The following ZMYND11 variants were observed in gnomAD, a reference collection of about 807,000 sequenced individuals.
ZMYND11 encodes zinc finger MYND domain-containing protein 11.
ZMYND11 carries 9 observed loss-of-function variants against 84.9 expected under a neutral mutation model. The observed-to-expected ratio is 0.11, with a 90% CI of 0.06 to 0.18. The LOEUF is 0.18. Ranked by LOEUF, ZMYND11 falls within the 10% of genes least tolerant of loss-of-function variation. The pLI is 1.00. For missense variants in ZMYND11, 409 were observed against 761.0 expected, an observed-to-expected ratio of 0.54 and a Z score of 5.44; for synonymous variants, 250 against 244.1, an observed-to-expected ratio of 1.02 and a Z score of -0.23.
At chr10:197,288 C>T (rs563732640) in intron 2 of ZMYND11, among the ~76,000 whole-genome samples, 9 of 152,148 alleles carry the variant, frequency 5.9e-5, no homozygotes, top group Admixed American at 1.3e-4. Flanking sequence ...TGCCCACGTG[C>T]GCATTGTATT....
intron 6 of ZMYND11, among the ~76,000 whole-genome samples, chr10:238,891 C>T (rs1382282342): frequency 5.3e-5 from 8 of 152,182 alleles, no homozygotes; most frequent in Admixed American, 5.2e-4. Flanking sequence ...AGGTTCCTTC[C>T]TGTTGAAATC....
intron 1 of ZMYND11, chr10:148,056 C>T (rs1390866065): frequency 6.6e-6 from 1 of 152,280 alleles, no homozygotes; most frequent in East Asian, 1.9e-4. Context: ...TCAGGCTCTG[C>T]CTAGGTCTCT....
At chr10:210,975 C>T (rs1399447046) in intron 3 of ZMYND11, among the ~76,000 whole-genome samples, 1 of 151,684 alleles carries the variant, frequency 6.6e-6, no homozygotes, top group African/African-American at 2.4e-5. Flanking sequence ...CTAGCCTGGG[C>T]AACATAGCCC....
At chr10:185,771 C>T (rs114784524) in intron 2 of ZMYND11, among the ~76,000 whole-genome samples, 2,527 of 139,820 alleles carry the variant, frequency 0.018, 68 homozygotes, top group African/African-American at 0.061. Context: ...GTCAAGATTG[C>T]GCAATTGCAC....
At chr10:218,357 G>C (rs1030081436) in intron 3 of ZMYND11, 1 of 183,784 alleles carries the variant, frequency 5.4e-6, no homozygotes, top group South Asian at 1.2e-4. Flanking sequence ...ATAATAAACA[G>C]TTTGGCCCTG....
At chr10:199,542 G>A (rs563728180) in intron 2 of ZMYND11, among the ~76,000 whole-genome samples, 1 of 151,974 alleles carries the variant, frequency 6.6e-6, no homozygotes, top group Non-Finnish European at 1.5e-5. Flanking sequence ...CGGTCCTCCT[G>A]TGTCAGCCTC....
upstream of ZMYND11, among the ~76,000 whole-genome samples, chr10:134,138 C>G (rs1240699133): frequency 2.0e-5 from 3 of 152,074 alleles, no homozygotes; most frequent in Non-Finnish European, 4.4e-5. Context: ...CTATACACAC[C>G]TGCCTATAAT....
At chr10:144,128 C>T (rs1838142820) in intron 1 of ZMYND11, among the ~76,000 whole-genome samples, 1 of 152,048 alleles carries the variant, frequency 6.6e-6, no homozygotes. Context: ...GCTGAACAGC[C>T]AGCAGTACAA....
chr10:238,420 G>A (rs995076841), intron 6 of ZMYND11, among the ~76,000 whole-genome samples: 11 of 151,744 alleles, frequency 7.2e-5, no homozygotes, highest in African/African-American at 2.7e-4. Flanking sequence ...GCAGTGGTGT[G>A]ATCTTGGCTC....
At chr10:144,703 G>A (rs1424561894) in intron 1 of ZMYND11, among the ~76,000 whole-genome samples, 1 of 140,896 alleles carries the variant, frequency 7.1e-6, no homozygotes, top group East Asian at 2.0e-4. Flanking sequence ...GTTGAGTCTG[G>A]GCTCTAATTT....
chr10:211,302 T>G (rs1268221284), intron 3 of ZMYND11, among the ~76,000 whole-genome samples: 5 of 152,148 alleles, frequency 3.3e-5, no homozygotes, highest in African/African-American at 1.2e-4. Flanking sequence ...ATCTATCTCT[T>G]TCTATAGATT....
At chr10:179,630 TG>T (rs1847413175) in intron 1 of ZMYND11, among the ~76,000 whole-genome samples, 1 of 152,222 alleles carries the variant, frequency 6.6e-6, no homozygotes, top group Non-Finnish European at 1.5e-5. Flanking sequence ...CATTTTGTAT[TG>T]ATCAAATTAC....
intron 12 of ZMYND11, among the ~76,000 whole-genome samples, chr10:247,804 T>G (rs931568584): frequency 1.3e-5 from 2 of 152,226 alleles, no homozygotes; most frequent in African/African-American, 4.8e-5. Flanking sequence ...AACACATTTA[T>G]CCAGTATATC....
At chr10:219,201 G>A (rs1946706991) in intron 3 of ZMYND11, among the ~76,000 whole-genome samples, 1 of 152,184 alleles carries the variant, frequency 6.6e-6, no homozygotes, top group South Asian at 2.1e-4. Flanking sequence ...ATGGGGAAAG[G>A]GTAGGGATGC....
intron 2 of ZMYND11, among the ~76,000 whole-genome samples, chr10:202,537 A>G (rs945998152): frequency 6.6e-6 from 1 of 152,056 alleles, no homozygotes; most frequent in Non-Finnish European, 1.5e-5. Context: ...CTTTCCATCC[A>G]GAAAACAAAG....
intron 2 of ZMYND11, among the ~76,000 whole-genome samples, chr10:203,729 G>A (rs1943642530): frequency 6.6e-6 from 1 of 152,120 alleles, no homozygotes; most frequent in Non-Finnish European, 1.5e-5. Context: ...AGATACAAAT[G>A]AAATTCCAAG....
chr10:250,980 G>C (rs1013037122), intron 14 of ZMYND11, among the ~76,000 whole-genome samples: 1 of 150,740 alleles, frequency 6.6e-6, no homozygotes, highest in East Asian at 2.0e-4. Flanking sequence ...CTGAGATTGT[G>C]CCACTGCACT....
At chr10:235,556 C>T (rs941666896) in intron 4 of ZMYND11, among the ~76,000 whole-genome samples, 3 of 152,218 alleles carry the variant, frequency 2.0e-5, no homozygotes, top group African/African-American at 7.2e-5. Context: ...ATACGAATCA[C>T]AGGCCCTGCC....
At chr10:160,633 A>G (rs532006498) in intron 1 of ZMYND11, among the ~76,000 whole-genome samples, 27 of 152,302 alleles carry the variant, frequency 1.8e-4, no homozygotes, top group African/African-American at 6.0e-4. Flanking sequence ...TGCTTTATCA[A>G]CTAAGTTTAT....
Sources: gnomAD v4.1 joint callset for allele counts (sites outside exome capture counted in the v4.1 genomes callset) on GRCh38, gnomAD v4.1.1 for gene constraint, MANE v1.5 for transcripts, NCBI Gene and HGNC (gene_info 2026-07-23, HGNC 2026-07-21) for gene names.